Variants in PPFIA4 observed in about 807,000 individuals in gnomAD.
The protein encoded by PPFIA4 is PPFI scaffold protein A4.
In PPFIA4, 98 loss-of-function variants were observed where a neutral mutation model predicts 145.7. The ratio of observed to expected loss-of-function variants is 0.67; its 90% CI spans 0.57 to 0.80. PPFIA4 has a LOEUF of 0.80. PPFIA4 is among the 30% of genes least tolerant of loss of function. The pLI is 0.00. For missense variants in PPFIA4, 1,457 were observed against 1,632.7 expected (o/e 0.89, Z 1.85); for synonymous variants, 628 against 649.6 (o/e 0.97, Z 0.51).
intron 28 of PPFIA4, among the ~76,000 whole-genome samples, chr1:203,073,985 A>G (rs61707713): frequency 0.02 from 2,976 of 152,302 alleles, 87 homozygotes; most frequent in African/African-American, 0.068. Context: ...GATCCCAGGC[A>G]CTGCTCAGAG....
At chr1:203,029,964 A>G (rs923155952) in intron 1 of PPFIA4, among the ~76,000 whole-genome samples, 2 of 152,166 alleles carry the variant, frequency 1.3e-5, no homozygotes, top group Non-Finnish European at 2.9e-5. Flanking sequence ...AGCTGATTTG[A>G]TTTTAGAGGC....
intron 27 of PPFIA4, 147 bp from the exon 28 acceptor site, chr1:203,071,545 A>G (rs9803710): frequency 1 from 612,014 of 612,092 alleles, 305,968 homozygotes; most frequent in Middle Eastern, 1. Context: ...AGCAGCTTCA[A>G]AAAGGTGTGT....
intron 23 of PPFIA4, 77 bp from the exon 24 acceptor site, chr1:203,061,575 G>A: frequency 7.0e-7 from 1 of 1,425,342 alleles, no homozygotes; most frequent in Non-Finnish European, 9.4e-7. Flanking sequence ...TCCTCTCCTT[G>A]ATGGGGCCTA....
At chr1:203,038,304 C>T (rs577509750) in intron 1 of PPFIA4, among the ~76,000 whole-genome samples, 5 of 152,316 alleles carry the variant, frequency 3.3e-5, no homozygotes, top group South Asian at 2.1e-4. Context: ...GCTCCCCTGC[C>T]GCTGACTGAA....
intron 14 of PPFIA4, among the ~76,000 whole-genome samples, 173 bp downstream of exon 14, chr1:203,052,050 C>CCCA (rs371524341): frequency 1.4e-5 from 2 of 138,512 alleles, no homozygotes; most frequent in Non-Finnish European, 3.2e-5. Context: ...GCTGTGCCCC[C>CCCA]CCCCCCGCTT....
intron 18 of PPFIA4, 138 bp downstream of exon 18, chr1:203,056,646 G>T: frequency 7.4e-7 from 1 of 1,346,864 alleles, no homozygotes; most frequent in South Asian, 1.4e-5. Context: ...ATCAGGGAAG[G>T]GAGTTCATGT....
intron 1 of PPFIA4, among the ~76,000 whole-genome samples, chr1:203,028,222 C>T (rs1022253496): frequency 1.3e-5 from 2 of 152,044 alleles, no homozygotes; most frequent in Non-Finnish European, 2.9e-5. Flanking sequence ...TGCTGCTGAG[C>T]ATGTCGTGAT....
intron 2 of PPFIA4, among the ~76,000 whole-genome samples, chr1:203,040,241 C>T (rs1484671012): frequency 6.6e-6 from 1 of 152,178 alleles, no homozygotes; most frequent in Non-Finnish European, 1.5e-5. Context: ...CCCTCTCTGC[C>T]CCTCGTATGA....
Position 203,046,305 on chromosome 1 carries a change from C to G in PPFIA4, c.1063C>G (p.Gln355Glu). ...ELLEVAEQKL[Q>E]QTMRKAETLP... ...GCTGGAGGTGGCAGAGCAGAAGCTG[C>G]AGCAGACGATGCGCAAGGCAGAGAC... The change falls in exon 9 of 30, where the codon CAG becomes GAG. Residue 355 changes from glutamine to glutamate, a missense_variant. By Grantham distance (29) the Gln-to-Glu change is conservative. Coordinates refer to ENST00000295706, the MANE Select transcript of PPFIA4 (RefSeq NM_001304331.2). 1 of 1,595,982 alleles carries G rather than the reference C, an allele frequency of 6.3e-7. No homozygotes were observed. The highest frequency in any genetic ancestry group is 8.5e-7 in the Non-Finnish European group (1 of 1,172,032).
intron 25 of PPFIA4, among the ~76,000 whole-genome samples, chr1:203,066,803 G>A (rs1053585489): frequency 6.6e-6 from 1 of 152,206 alleles, no homozygotes; most frequent in East Asian, 1.9e-4. Context: ...TCAAGCATTT[G>A]TAGAGTCCCT....
intron 9 of PPFIA4, among the ~76,000 whole-genome samples, chr1:203,047,644 C>T (rs529583374): frequency 1.2e-4 from 19 of 152,308 alleles, no homozygotes; most frequent in South Asian, 6.2e-4. Flanking sequence ...CGTAACCATG[C>T]GGGGCTAACA....
chr1:203,075,901 C>A lies in PPFIA4; in HGVS notation c.3574+144C>A. 1 of 877,512 alleles carries A rather than the reference C, an allele frequency of 1.1e-6. No individual in the cohort carries two copies. The highest frequency in any genetic ancestry group is 1.6e-6 in the Non-Finnish European group (1 of 632,218). 54.4% of individuals were successfully genotyped at this position (877,512 alleles called of 1,614,324 possible). A position where few individuals can be genotyped will look rare whatever the true frequency, so the allele number is the denominator to read the frequency against. ...GCGCTGCAGCTGCACTAACGCTCCG[C>A]GGGGAGCGTGTGTGCGCACTAACCC... On this transcript the variant is annotated intron_variant, in intron 29 of 29. Transcript: ENST00000295706. This position sits in a 1 kb window ranked among gnomAD's most constrained non-coding sequence, Gnocchi z 4.1.
intron 25 of PPFIA4, among the ~76,000 whole-genome samples, chr1:203,064,464 G>A (rs756249215): frequency 6.6e-6 from 1 of 152,088 alleles, no homozygotes; most frequent in Non-Finnish European, 1.5e-5. Context: ...GAACCTCTCC[G>A]CTTTGGGCTC....
At chr1:203,032,256 A>G (rs1204690849) in intron 1 of PPFIA4, among the ~76,000 whole-genome samples, 2 of 151,892 alleles carry the variant, frequency 1.3e-5, no homozygotes, top group East Asian at 3.9e-4. Flanking sequence ...ACACCTCTTC[A>G]CCCTCCTTTT....
At position 203,078,069 on chromosome 1, in the gene PPFIA4, G is replaced by A. The variant is rs1463557111; in HGVS notation, c.*1679G>A. 1 of 152,248 alleles carries A rather than the reference G, an allele frequency of 6.6e-6. No individual in the cohort carries two copies. Among genetic ancestry groups the A allele is most frequent in the African/African-American group, 2.4e-5 (1 of 41,460 alleles). The allele number at this position is 152,248 out of a possible 1,614,324, so 9.4% of individuals were successfully genotyped here. A position where few individuals can be genotyped will look rare whatever the true frequency, so the allele number is the denominator to read the frequency against. On this transcript the variant is annotated 3_prime_UTR_variant, in exon 30 of 30. Transcript: ENST00000295706. Reference sequence around the variant, plus strand: ...GCTTAAAGCCCGCTGCTCCTTTTCGGTAGAGGAGAGGCCCATCACTGGTGT... The same window carrying A: ...GCTTAAAGCCCGCTGCTCCTTTTCGATAGAGGAGAGGCCCATCACTGGTGT...
chr1:203,059,777 C>T lies in PPFIA4; in HGVS notation c.2509C>T (p.Leu837=), dbSNP rs1661230183. 1 of 1,613,214 alleles carries T rather than the reference C, an allele frequency of 6.2e-7. No individual in the cohort carries two copies. Among genetic ancestry groups the T allele is most frequent in the African/African-American group, 1.3e-5 (1 of 74,894 alleles). Residue 837 remains leucine, a synonymous_variant, in exon 21 of 30, where the codon CTG becomes TTG. Coordinates refer to ENST00000295706, the MANE Select transcript of PPFIA4 (RefSeq NM_001304331.2). Reference sequence around the variant, plus strand: ...TGTTCCTCTTCCTATAAGACACCAGCTGCTTGAAGATGCCCGCAGGAAAGG... The same window carrying T: ...TGTTCCTCTTCCTATAAGACACCAGTTGCTTGAAGATGCCCGCAGGAAAGG... ...KDRRLKKKHQ[L]LEDARRKGMP...
chr1:203,030,240 T>C (rs1408128509), intron 1 of PPFIA4, among the ~76,000 whole-genome samples: 1 of 152,078 alleles, frequency 6.6e-6, no homozygotes, highest in Non-Finnish European at 1.5e-5. Flanking sequence ...GGGTGGGAAG[T>C]GGCCTGTGTG....
chr1:203,046,651 TTTTC>T (rs1457784214), intron 9 of PPFIA4: 4 of 306,304 alleles, frequency 1.3e-5, no homozygotes, highest in Non-Finnish European at 2.2e-5. Flanking sequence ...TGCAAAGTGT[TTTTC>T]TTTTTCTTTT....
intron 1 of PPFIA4, among the ~76,000 whole-genome samples, chr1:203,026,838 T>A (rs1317846492): frequency 1.3e-5 from 2 of 152,120 alleles, no homozygotes; most frequent in African/African-American, 4.8e-5. Flanking sequence ...GGGGTGAGGA[T>A]AGGGGCGATG....
Sources: gnomAD v4.1 joint callset for allele counts (sites outside exome capture counted in the v4.1 genomes callset) on GRCh38, gnomAD v4.1.1 for gene constraint, Gnocchi (gnomAD v3.1) non-coding constraint, MANE v1.5 for transcripts, NCBI Gene and HGNC (gene_info 2026-07-23, HGNC 2026-07-21) for gene names.